Variants in TMEM169 observed in about 807,000 individuals in gnomAD.
TMEM169 encodes transmembrane protein 169.
In TMEM169, 18 loss-of-function variants were observed where a neutral mutation model predicts 27.3. The observed-to-expected ratio is 0.66, with a 90% CI of 0.46 to 0.98. The LOEUF is 0.98. Among genes scored for constraint, TMEM169 ranks in the 50% least tolerant of loss-of-function variants. The pLI, the probability that TMEM169 is intolerant of heterozygous loss-of-function variation, is 0.00. For synonymous variants in TMEM169, 136 were observed against 142.1 expected (o/e 0.96, Z 0.30); for missense variants, 320 against 368.6 (o/e 0.87, Z 1.08).
intron 1 of TMEM169, among the ~76,000 whole-genome samples, chr2:216,091,556 C>CAAAAAAA (rs35975278): frequency 2.5e-5 from 2 of 80,330 alleles, no homozygotes; most frequent in African/African-American, 5.0e-5. Flanking sequence ...GACTCCATCT[C>CAAAAAAA]AAAAAAAAAA....
chr2:216,093,585 G>T (rs905483913), intron 1 of TMEM169, among the ~76,000 whole-genome samples: 1 of 152,092 alleles, frequency 6.6e-6, no homozygotes, highest in African/African-American at 2.4e-5. Context: ...GTCGCTGGGT[G>T]CCTGATTTAT....
chr2:216,091,464 G>A (rs1321459818), intron 1 of TMEM169, among the ~76,000 whole-genome samples: 2 of 151,096 alleles, frequency 1.3e-5, no homozygotes, highest in African/African-American at 2.4e-5. Context: ...GGCTGAGGCA[G>A]GAGAATTGCT....
At chr2:216,084,927 A>G (rs1695961803) in intron 1 of TMEM169, among the ~76,000 whole-genome samples, 1 of 152,218 alleles carries the variant, frequency 6.6e-6, no homozygotes, top group East Asian at 1.9e-4. Flanking sequence ...GGACTTCCAC[A>G]TGTATAACAG....
intron 1 of TMEM169, among the ~76,000 whole-genome samples, chr2:216,087,924 C>T (rs745733418): frequency 7.9e-5 from 12 of 152,004 alleles, no homozygotes; most frequent in Non-Finnish European, 1.6e-4. Flanking sequence ...TTTGGGAGGC[C>T]GAGGCAGATG....
chr2:216,090,458 C>T (rs1369014772), intron 1 of TMEM169, among the ~76,000 whole-genome samples: 1 of 152,174 alleles, frequency 6.6e-6, no homozygotes, highest in African/African-American at 2.4e-5. Flanking sequence ...ATCTTGGAAG[C>T]AGATCTAGCC....
Position 216,100,032 on chromosome 2 carries a change from G to A in TMEM169, c.384G>A (p.Glu128=). The stretch of plus-strand genomic sequence containing the variant: ...TCCATGTCACATTGACAGAGAAAGA[G>A]CTGCAGGAACTGACCAAACCTAAAG... ...VDIHVTLTEK[E]LQELTKPKES... The change falls in exon 3 of 3, where the codon GAG becomes GAA. Residue 128 remains glutamate, a synonymous_variant. Transcript: ENST00000437356. The A allele has an allele frequency of 6.2e-7, 1 of 1,614,168 alleles. No individual in the cohort carries two copies. Among genetic ancestry groups the A allele is most frequent in the Non-Finnish European group, 8.5e-7 (1 of 1,180,024 alleles).
At chr2:216,088,774 A>G (rs1245910687) in intron 1 of TMEM169, among the ~76,000 whole-genome samples, 2 of 152,228 alleles carry the variant, frequency 1.3e-5, no homozygotes, top group African/African-American at 4.8e-5. Context: ...CAATCGGTAA[A>G]TTCCATAAAT....
intron 1 of TMEM169, among the ~76,000 whole-genome samples, chr2:216,088,478 A>G (rs1042973341): frequency 1.3e-5 from 2 of 152,160 alleles, no homozygotes; most frequent in African/African-American, 4.8e-5. Flanking sequence ...CAAACAAACA[A>G]ACAGACAAAA....
intron 1 of TMEM169, among the ~76,000 whole-genome samples, chr2:216,084,854 C>A (rs967061404): frequency 6.6e-6 from 1 of 152,146 alleles, no homozygotes; most frequent in South Asian, 2.1e-4. Context: ...GTGATTGGAG[C>A]ATAGTACCCC....
chr2:216,093,443 A>G (rs1271262960), intron 1 of TMEM169, among the ~76,000 whole-genome samples: 1 of 152,020 alleles, frequency 6.6e-6, no homozygotes, highest in East Asian at 1.9e-4. Flanking sequence ...AGAAAGCTCC[A>G]TGGATAAGAA....
intron 2 of TMEM169, among the ~76,000 whole-genome samples, chr2:216,097,359 T>G (rs1373822484): frequency 2.0e-5 from 3 of 152,118 alleles, no homozygotes; most frequent in African/African-American, 7.2e-5. Flanking sequence ...AGTTTGAGAC[T>G]GGCCAACATG....
chr2:216,095,109 C>CTTTTTTTTTTTTTTTTTTTTTTTTTTT (rs71047975), intron 1 of TMEM169, among the ~76,000 whole-genome samples: 3 of 110,484 alleles, frequency 2.7e-5, no homozygotes, highest in African/African-American at 4.1e-5. Flanking sequence ...TTTTTTCTTT[C>CTTTTTTTTTTTTTTTTTTTTTTTTTTT]TTTTTTTTTT....
intron 1 of TMEM169, among the ~76,000 whole-genome samples, chr2:216,089,329 GTCA>G (rs1255342369): frequency 6.6e-6 from 1 of 152,176 alleles, no homozygotes; most frequent in African/African-American, 2.4e-5. Flanking sequence ...GAGTGGATCT[GTCA>G]TCAAATGAAG....
At chr2:216,095,109 C>CTTTTTTTTTTTTTTTTT (rs71047975) in intron 1 of TMEM169, among the ~76,000 whole-genome samples, 1,500 of 110,384 alleles carry the variant, frequency 0.014, 63 homozygotes, top group African/African-American at 0.026. Context: ...TTTTTTCTTT[C>CTTTTTTTTTTTTTTTTT]TTTTTTTTTT....
intron 2 of TMEM169, among the ~76,000 whole-genome samples, chr2:216,097,650 T>A (rs567043228): frequency 1.3e-5 from 2 of 151,630 alleles, no homozygotes; most frequent in South Asian, 2.1e-4. Context: ...GATGGATAGA[T>A]CTCTAAGACA....
chr2:216,088,585 C>T (rs1696060878), intron 1 of TMEM169, among the ~76,000 whole-genome samples: 1 of 152,202 alleles, frequency 6.6e-6, no homozygotes, highest in Admixed American at 6.5e-5. Flanking sequence ...ACTGTAGTCC[C>T]AGCTACTCAG....
At position 216,099,911 on chromosome 2, in the gene TMEM169, A is replaced by G; in HGVS notation, c.272-9A>G. 1 of 1,606,312 alleles carries G rather than the reference A, an allele frequency of 6.2e-7. No homozygotes were observed. The highest frequency in any genetic ancestry group is 2.2e-5 in the East Asian group (1 of 44,870). On this transcript the variant is annotated splice_polypyrimidine_tract_variant and intron_variant, in intron 2 of 2. Transcript: ENST00000437356. This position sits in a 1 kb window ranked among gnomAD's most constrained non-coding sequence, Gnocchi z 5.0. ...TGATCTTGACTCTCACCTCCTTTGT[A>G]CCCTGCAGATATGTGGAACCTGCCT...
rs763468248 is a variant in TMEM169 at position 216,100,107 on chromosome 2, A to C, written c.459A>C (p.Gly153=). The part of the protein sequence containing the change: ...TPEGRMACQM[G]ADRGPHVVLW... ...AAGGAAGAATGGCCTGCCAGATGGG[A>C]GCTGACCGTGGGCCCCATGTGGTCC... Residue 153 remains glycine, a synonymous_variant, in exon 3 of 3, where the codon GGA becomes GGC. Transcript: ENST00000437356. 6.2e-7 allele frequency: 1 copy of C among 1,614,112 alleles called. No individual in the cohort carries two copies. Among genetic ancestry groups the C allele is most frequent in the Non-Finnish European group, 8.5e-7 (1 of 1,180,008 alleles).
At chr2:216,082,009 T>C (rs1262079890) in intron 1 of TMEM169, 30 bp downstream of exon 1, 19 of 467,428 alleles carry the variant, frequency 4.1e-5, no homozygotes, top group Non-Finnish European at 2.3e-5. Flanking sequence ...TCTTTAAATT[T>C]CGATGCCATT....
Sources: allele counts gnomAD v4.1 joint callset (sites outside exome capture counted in the v4.1 genomes callset), GRCh38; gene constraint gnomAD v4.1.1; non-coding constraint Gnocchi (gnomAD v3.1); transcripts MANE v1.5; gene names NCBI Gene and HGNC (gene_info 2026-07-23, HGNC 2026-07-21).